SETD3: variants seen among roughly 807,000 people sequenced by gnomAD.
The protein encoded by SETD3 is actin-histidine N-methyltransferase.
In SETD3, 19 loss-of-function variants were observed where a neutral mutation model predicts 63.0. That is an observed-to-expected ratio of 0.30 (90% CI 0.21 to 0.44). SETD3 has a LOEUF of 0.44. SETD3 is among the 20% of genes least tolerant of loss of function. The probability of loss-of-function intolerance (pLI) is 1.00; values close to 1 mark genes in which losing one functional copy is unlikely to be tolerated. For missense variants in SETD3, 587 were observed against 728.5 expected (o/e 0.81, Z 2.24); for synonymous variants, 286 against 264.1 (o/e 1.08, Z -0.80).
At chr14:99,481,192 C>T (rs1009379936), upstream of SETD3, 1 of 387,338 alleles carries the variant, frequency 2.6e-6, no homozygotes, top group Non-Finnish European at 4.6e-6. Flanking sequence ...TGCCTTTTCG[C>T]CCCGAGGGGC....
intron 11 of SETD3, among the ~76,000 whole-genome samples, chr14:99,403,440 C>A (rs948128338): frequency 1.1e-4 from 13 of 115,112 alleles, no homozygotes; most frequent in Non-Finnish European, 2.3e-4. Context: ...TACACACACA[C>A]ACACACACAC....
intron 1 of SETD3, among the ~76,000 whole-genome samples, chr14:99,473,141 ATTAT>A (rs1269774251): frequency 6.6e-6 from 1 of 152,230 alleles, no homozygotes; most frequent in African/African-American, 2.4e-5. Flanking sequence ...AAACTCAATT[ATTAT>A]TTAAAGTGCT....
Position 99,400,214 on chromosome 14 carries a change from A to G in SETD3, c.1223T>C (p.Ile408Thr), listed in dbSNP as rs1399660014. 1 of 1,614,010 alleles carries G rather than the reference A, an allele frequency of 6.2e-7. No homozygotes were observed. The highest frequency in any genetic ancestry group is 8.5e-7 in the Non-Finnish European group (1 of 1,180,010). Residue 408 changes from isoleucine to threonine, a missense_variant, in exon 12 of 13, where the codon ATC becomes ACC. By Grantham distance (89) the Ile-to-Thr change is moderately conservative. Transcript: ENST00000331768. ...AAATTCCGAGTTCCCCAAGGTGAAG[A>G]TTCTATCAATAGCGCTGTCTCCCAG... is the stretch of plus-strand genomic sequence containing the variant. ...HLLGDSAIDR[I>T]FTLGNSEFPV...
chr14:99,421,895 A>C (rs1892615524), intron 6 of SETD3, among the ~76,000 whole-genome samples: 1 of 152,220 alleles, frequency 6.6e-6, no homozygotes, highest in Non-Finnish European at 1.5e-5. Context: ...AAATAGTCTT[A>C]TAAAGTCTAA....
Position 99,405,341 on chromosome 14 carries a change from C to A in SETD3, c.955G>T (p.Ala319Ser). Residue 319 changes from alanine (A) to serine (S), a missense_variant, in exon 10 of 13, where the codon GCA (alanine) becomes TCA (serine). Transcript: ENST00000331768. ...IYIFYGTRSN[A>S]EFVIHSGFFF... Reference sequence around the variant, plus strand: ...AAACCACTGTGGATCACAAACTCTGCGTTGGATCGAGTGCCATAAAAAATG... The same window carrying A: ...AAACCACTGTGGATCACAAACTCTGAGTTGGATCGAGTGCCATAAAAAATG... The A allele has an allele frequency of 6.2e-7, 1 of 1,611,406 alleles. No individual in the cohort carries two copies. Among genetic ancestry groups the A allele is most frequent in the Non-Finnish European group, 8.5e-7 (1 of 1,179,432 alleles).
At chr14:99,462,667 T>C (rs1454856911) in intron 3 of SETD3, among the ~76,000 whole-genome samples, 7 of 152,226 alleles carry the variant, frequency 4.6e-5, no homozygotes, top group African/African-American at 1.7e-4. Context: ...AAACCCATTA[T>C]GAAGGAACCT....
chr14:99,408,791 T>C (rs955360004), intron 8 of SETD3, among the ~76,000 whole-genome samples: 4 of 152,144 alleles, frequency 2.6e-5, no homozygotes, highest in African/African-American at 9.7e-5. Flanking sequence ...ACACTTCCTC[T>C]AGGACGGTAT....
At chr14:99,454,232 C>A (rs1894627282) in intron 6 of SETD3, among the ~76,000 whole-genome samples, 1 of 151,980 alleles carries the variant, frequency 6.6e-6, no homozygotes, top group Non-Finnish European at 1.5e-5. Context: ...CTCTGTTGCC[C>A]AAGCTGGAAT....
intron 6 of SETD3, among the ~76,000 whole-genome samples, chr14:99,443,180 T>C (rs1893930355): frequency 6.6e-6 from 1 of 152,140 alleles, no homozygotes. Context: ...AAATGCCACT[T>C]TTCCCATTTA....
At chr14:99,471,112 A>C (rs1490926717) in intron 1 of SETD3, among the ~76,000 whole-genome samples, 1 of 152,210 alleles carries the variant, frequency 6.6e-6, no homozygotes, top group Non-Finnish European at 1.5e-5. Context: ...CACCCACTGC[A>C]GTCTAAACTC....
upstream of SETD3, among the ~76,000 whole-genome samples, chr14:99,482,885 CAG>C (rs1296269682): frequency 4.6e-5 from 7 of 152,068 alleles, no homozygotes; most frequent in Non-Finnish European, 8.8e-5. Flanking sequence ...AAAGGGAGGA[CAG>C]TGTTTTCTGC....
intron 9 of SETD3, 60 bp from the exon 10 acceptor site, chr14:99,405,431 C>CAAA (rs775077335): frequency 7.5e-5 from 117 of 1,557,454 alleles, no homozygotes; most frequent in Non-Finnish European, 9.9e-5. Flanking sequence ...GTATTCTTAA[C>CAAA]ACAGGGCAGG....
chr14:99,416,808 A>G (rs1892314076), intron 6 of SETD3, among the ~76,000 whole-genome samples: 1 of 152,194 alleles, frequency 6.6e-6, no homozygotes, highest in South Asian at 2.1e-4. Context: ...CAATAAATAT[A>G]TGAAGATGGA....
intron 1 of SETD3, among the ~76,000 whole-genome samples, chr14:99,474,041 C>G (rs1007487086): frequency 1.3e-5 from 2 of 152,174 alleles, no homozygotes; most frequent in African/African-American, 4.8e-5. Flanking sequence ...AGGAACTGGG[C>G]CAGGGGCAGT....
At chr14:99,483,592 A>T (rs984287403), upstream of SETD3, among the ~76,000 whole-genome samples, 6 of 152,216 alleles carry the variant, frequency 3.9e-5, no homozygotes, top group African/African-American at 1.4e-4. Flanking sequence ...CTTTTGTTAC[A>T]GTTTACTAGA....
At chr14:99,453,231 A>G (rs1894563692) in intron 6 of SETD3, among the ~76,000 whole-genome samples, 1 of 152,224 alleles carries the variant, frequency 6.6e-6, no homozygotes, top group South Asian at 2.1e-4. Flanking sequence ...TACTGAGATG[A>G]GAAAATACGA....
intron 1 of SETD3, among the ~76,000 whole-genome samples, chr14:99,472,533 G>C (rs946904760): frequency 7.9e-5 from 12 of 151,944 alleles, no homozygotes. Flanking sequence ...CACTCAAATA[G>C]GTATTCTGAA....
At chr14:99,404,433 ATTCCAGCTCC>A in intron 10 of SETD3, 123 bp from the exon 11 acceptor site, 1 of 799,928 alleles carries the variant, frequency 1.3e-6, no homozygotes, top group Non-Finnish European at 2.0e-6. Context: ...GGAATGGGTC[ATTCCAGCTCC>A]TCATCTCAAC....
At chr14:99,474,170 C>T (rs983752847) in intron 1 of SETD3, among the ~76,000 whole-genome samples, 1 of 152,050 alleles carries the variant, frequency 6.6e-6, no homozygotes, top group African/African-American at 2.4e-5. Flanking sequence ...ACTAAAAACA[C>T]AAAAATTAGC....
Sources: gnomAD v4.1 joint callset for allele counts (sites outside exome capture counted in the v4.1 genomes callset) on GRCh38, gnomAD v4.1.1 for gene constraint, MANE v1.5 for transcripts, NCBI Gene and HGNC (gene_info 2026-07-23, HGNC 2026-07-21) for gene names.